The following CADM2 variants were observed in gnomAD, a reference collection of about 807,000 sequenced individuals.
CADM2 encodes the protein immunoglobulin superfamily member 4D.
Under a neutral mutation model 49.8 loss-of-function variants are expected in CADM2, and 12 were observed. The ratio of observed to expected loss-of-function variants is 0.24; its 90% CI spans 0.15 to 0.39. The LOEUF is 0.39. Ranked by LOEUF, CADM2 falls within the 10% of genes least tolerant of loss-of-function variation. CADM2 has a pLI of 1.00. For missense variants in CADM2, 378 were observed against 492.3 expected (o/e 0.77, Z 2.20); for synonymous variants, 214 against 175.4 (o/e 1.22, Z -1.74).
chr3:86,001,457 T>A (rs1455369144), intron 8 of CADM2, among the ~76,000 whole-genome samples: 1 of 39,672 alleles, frequency 2.5e-5, no homozygotes, highest in Non-Finnish European at 7.3e-5. Context: ...ATTTTTACAG[T>A]TCCCAGTAGT....
chr3:85,418,289 T>G (rs1365930180), intron 1 of CADM2, among the ~76,000 whole-genome samples: 1 of 152,148 alleles, frequency 6.6e-6, no homozygotes, highest in African/African-American at 2.4e-5. Context: ...CTATGAATTT[T>G]AGTTAATAAT....
At chr3:85,066,056 G>A (rs2036517656) in intron 1 of CADM2, among the ~76,000 whole-genome samples, 1 of 152,054 alleles carries the variant, frequency 6.6e-6, no homozygotes. Flanking sequence ...CAGTAAACAA[G>A]TAATTGAACA....
chr3:85,004,371 T>G (rs914625343), intron 1 of CADM2, among the ~76,000 whole-genome samples: 1 of 152,158 alleles, frequency 6.6e-6, no homozygotes, highest in African/African-American at 2.4e-5. Flanking sequence ...CATTCAATAT[T>G]CACAAAGTAC....
At chr3:86,013,908 A>G in intron 8 of CADM2, 2 of 1,593,382 alleles carry the variant, frequency 1.3e-6, no homozygotes, top group Non-Finnish European at 8.6e-7. Flanking sequence ...AGCTATCTAC[A>G]CACTCTGAAC....
intron 1 of CADM2, among the ~76,000 whole-genome samples, chr3:85,237,818 A>G (rs1257449765): frequency 2.0e-5 from 3 of 151,792 alleles, no homozygotes; most frequent in Non-Finnish European, 4.4e-5. Flanking sequence ...GAAAATCCTG[A>G]TATTTAATTA....
chr3:85,670,766 T>G (rs2065712248), intron 1 of CADM2, among the ~76,000 whole-genome samples: 1 of 152,174 alleles, frequency 6.6e-6, no homozygotes, highest in Admixed American at 6.5e-5. Context: ...GAGGAAGTAA[T>G]TTAGCAAGAC....
intron 1 of CADM2, among the ~76,000 whole-genome samples, chr3:85,674,632 T>G (rs955387649): frequency 1.3e-5 from 2 of 152,172 alleles, no homozygotes; most frequent in African/African-American, 4.8e-5. Flanking sequence ...AATCATTAAT[T>G]CATTTCTCAT....
chr3:85,543,420 A>ATGTGTGTGGGTGTGTGTG (rs372108050), intron 1 of CADM2, among the ~76,000 whole-genome samples: 2,021 of 129,606 alleles, frequency 0.016, 44 homozygotes, highest in Middle Eastern at 0.034. Flanking sequence ...TGCCAAGCTA[A>ATGTGTGTGGGTGTGTGTG]TGTGTGTGTG....
At chr3:85,754,716 T>G (rs2069021518) in intron 2 of CADM2, among the ~76,000 whole-genome samples, 1 of 151,930 alleles carries the variant, frequency 6.6e-6, no homozygotes, top group African/African-American at 2.4e-5. Context: ...ACAATAATAA[T>G]AAAAGCCATT....
chr3:85,382,200 T>A (rs2033946632), intron 1 of CADM2, among the ~76,000 whole-genome samples: 1 of 152,034 alleles, frequency 6.6e-6, no homozygotes, highest in African/African-American at 2.4e-5. Context: ...ATAAACAGAA[T>A]AAATTGTACT....
chr3:85,851,096 A>C (rs1306145053), intron 3 of CADM2, among the ~76,000 whole-genome samples: 1 of 152,128 alleles, frequency 6.6e-6, no homozygotes, highest in East Asian at 1.9e-4. Flanking sequence ...CTTTTGAGTC[A>C]TTTTATGCCC....
chr3:85,827,090 T>C (rs60732670), intron 3 of CADM2, among the ~76,000 whole-genome samples: 53,623 of 151,710 alleles, frequency 0.35, 9,975 homozygotes, highest in East Asian at 0.56. Context: ...TCAAGGATGC[T>C]GAAAAGCACC....
intron 8 of CADM2, among the ~76,000 whole-genome samples, chr3:86,032,653 T>C (rs1324816241): frequency 6.6e-6 from 1 of 151,870 alleles, no homozygotes; most frequent in African/African-American, 2.4e-5. Context: ...AATTCGGATA[T>C]GACCAAAAAT....
intron 2 of CADM2, among the ~76,000 whole-genome samples, chr3:85,765,041 T>C (rs1421770903): frequency 6.6e-6 from 1 of 152,078 alleles, no homozygotes; most frequent in African/African-American, 2.4e-5. Flanking sequence ...GGGAAGAATG[T>C]CAGAGAATGT....
intron 1 of CADM2, among the ~76,000 whole-genome samples, chr3:85,130,948 C>A (rs2039206504): frequency 6.6e-6 from 1 of 152,098 alleles, no homozygotes; most frequent in South Asian, 2.1e-4. Flanking sequence ...TTTGGGAGGC[C>A]AAGGTGGGTG....
intron 1 of CADM2, among the ~76,000 whole-genome samples, chr3:85,406,863 A>C (rs2035404175): frequency 6.6e-6 from 1 of 151,900 alleles, no homozygotes; most frequent in South Asian, 2.1e-4. Context: ...TGTCATCTTC[A>C]ATTTACTTTC....
intron 2 of CADM2, among the ~76,000 whole-genome samples, chr3:85,785,018 G>A (rs1290500446): frequency 6.6e-6 from 1 of 152,042 alleles, no homozygotes; most frequent in African/African-American, 2.4e-5. Context: ...TTGGTAGGTT[G>A]TAGGTGTCTA....
intron 5 of CADM2, among the ~76,000 whole-genome samples, chr3:85,912,060 C>T (rs1423282206): frequency 6.6e-6 from 1 of 151,872 alleles, no homozygotes; most frequent in Non-Finnish European, 1.5e-5. Context: ...TCTCCTGCCT[C>T]AGCCTCCCGA....
chr3:85,316,550 C>A (rs2044468770), intron 1 of CADM2, among the ~76,000 whole-genome samples: 1 of 152,050 alleles, frequency 6.6e-6, no homozygotes, highest in African/African-American at 2.4e-5. Flanking sequence ...ATAGGTTTTG[C>A]CTTTTGTTGT....
Sources: allele counts gnomAD v4.1 joint callset (sites outside exome capture counted in the v4.1 genomes callset), GRCh38; gene constraint gnomAD v4.1.1; transcripts MANE v1.5; gene names NCBI Gene and HGNC (gene_info 2026-07-23, HGNC 2026-07-21).